Variants in CSMD1 observed in about 807,000 individuals in gnomAD.
CSMD1 encodes the protein CUB and sushi domain-containing protein 1.
Under a neutral mutation model 417.5 loss-of-function variants are expected in CSMD1, and 213 were observed. The ratio of observed to expected loss-of-function variants is 0.51; its 90% CI spans 0.46 to 0.57. The LOEUF (loss-of-function observed/expected upper bound fraction) is 0.57, where lower values mean the gene tolerates loss of function less well. CSMD1 is among the 20% of genes least tolerant of loss of function. The pLI is 0.00. For synonymous variants in CSMD1, 2,862 were observed against 1,736.8 expected, an observed-to-expected ratio of 1.65 and a Z score of -16.11; for missense variants, 6,923 against 4,529.7, an observed-to-expected ratio of 1.53 and a Z score of -15.17.
chr8:3,538,798 A>T (rs1450567085), intron 10 of CSMD1, among the ~76,000 whole-genome samples: 1 of 152,100 alleles, frequency 6.6e-6, no homozygotes, highest in Non-Finnish European at 1.5e-5. Flanking sequence ...CTCCACTTGC[A>T]CCAAGAGCCT....
intron 7 of CSMD1, among the ~76,000 whole-genome samples, chr8:3,701,947 C>A (rs1339135089): frequency 6.6e-6 from 1 of 151,834 alleles, no homozygotes; most frequent in Non-Finnish European, 1.5e-5. Context: ...AAACTAGGGG[C>A]GAATATCATT....
chr8:3,497,938 AC>A (rs1419449569), intron 10 of CSMD1, among the ~76,000 whole-genome samples: 2 of 152,114 alleles, frequency 1.3e-5, no homozygotes, highest in Non-Finnish European at 2.9e-5. Flanking sequence ...TCACCCTTTC[AC>A]TTTCAGATGA....
intron 1 of CSMD1, among the ~76,000 whole-genome samples, chr8:4,945,737 G>A (rs769566252): frequency 2.6e-5 from 4 of 152,054 alleles, no homozygotes; most frequent in Admixed American, 1.3e-4. Flanking sequence ...GAGGGTACAA[G>A]GAGGAGATGA....
chr8:3,648,015 T>C (rs1797662714), intron 7 of CSMD1, among the ~76,000 whole-genome samples: 1 of 152,252 alleles, frequency 6.6e-6, no homozygotes, highest in Non-Finnish European at 1.5e-5. Context: ...TTCTTATTTC[T>C]TGTGCAGCTA....
intron 4 of CSMD1, among the ~76,000 whole-genome samples, chr8:4,005,058 G>C (rs553300916): frequency 1.3e-5 from 2 of 152,148 alleles, no homozygotes; most frequent in African/African-American, 4.8e-5. Flanking sequence ...AACATCCTAT[G>C]TTCTCACTGA....
At chr8:3,756,574 G>T (rs1047355062) in intron 5 of CSMD1, among the ~76,000 whole-genome samples, 2 of 151,958 alleles carry the variant, frequency 1.3e-5, no homozygotes, top group African/African-American at 4.8e-5. Flanking sequence ...AGTATCCAAA[G>T]CCCTCAAAAT....
chr8:4,970,241 C>A (rs895845738), intron 1 of CSMD1, among the ~76,000 whole-genome samples: 3 of 152,154 alleles, frequency 2.0e-5, no homozygotes, highest in African/African-American at 2.4e-5. Context: ...ACTTTGGGAG[C>A]TGAGTAAGTT....
intron 2 of CSMD1, among the ~76,000 whole-genome samples, chr8:4,465,798 C>G (rs1487722199): frequency 6.6e-6 from 1 of 152,160 alleles, no homozygotes; most frequent in Non-Finnish European, 1.5e-5. Context: ...GTTATGGGTA[C>G]TTTACTGCCA....
At chr8:4,067,886 G>T (rs1426148993) in intron 3 of CSMD1, among the ~76,000 whole-genome samples, 1 of 152,040 alleles carries the variant, frequency 6.6e-6, no homozygotes, top group Non-Finnish European at 1.5e-5. Flanking sequence ...AGACCATCCT[G>T]GCCAACATGA....
At chr8:4,614,544 G>T (rs1394945152) in intron 2 of CSMD1, among the ~76,000 whole-genome samples, 2 of 152,116 alleles carry the variant, frequency 1.3e-5, no homozygotes, top group Admixed American at 6.6e-5. Context: ...AGCACAAGCG[G>T]AAGTATCTAG....
chr8:3,466,257 T>C lies in CSMD1; in HGVS notation c.1561+2455A>G, dbSNP rs1012843212. Reference sequence around the variant, plus strand: ...CACAAAGGGTTTAAATAACTTACACTAAGGTTCAGTTACTGGGCAGCAGAA... The same window carrying C: ...CACAAAGGGTTTAAATAACTTACACCAAGGTTCAGTTACTGGGCAGCAGAA... On this transcript the variant is annotated intron_variant, in intron 12 of 69. Transcript: ENST00000635120. Among the ~76,000 whole-genome samples, 5 of 151,986 alleles carry C rather than the reference T, an allele frequency of 3.3e-5. No individual in the cohort carries two copies. In the East Asian group the frequency reaches 7.7e-4, roughly 23 times the overall value.
chr8:4,442,885 TAC>T (rs1179181222), intron 2 of CSMD1, among the ~76,000 whole-genome samples: 3 of 152,214 alleles, frequency 2.0e-5, no homozygotes, highest in Non-Finnish European at 4.4e-5. Context: ...ATTGCTTGTT[TAC>T]AGTGAACAGA....
chr8:3,422,948 G>C (rs1465892688), intron 12 of CSMD1, among the ~76,000 whole-genome samples: 1 of 152,160 alleles, frequency 6.6e-6, no homozygotes, highest in Non-Finnish European at 1.5e-5. Flanking sequence ...GATTCTCTTT[G>C]TTAAGCTCTT....
At chr8:3,792,089 G>A (rs566749730) in intron 5 of CSMD1, among the ~76,000 whole-genome samples, 4 of 152,110 alleles carry the variant, frequency 2.6e-5, no homozygotes, top group Admixed American at 2.6e-4. Context: ...CTTCAAGAAT[G>A]ACTTCCTGAG....
chr8:3,221,287 C>T (rs1228358710), intron 28 of CSMD1, among the ~76,000 whole-genome samples: 1 of 152,140 alleles, frequency 6.6e-6, no homozygotes. Context: ...GTGTCTTAGT[C>T]TGTTTATTTG....
At chr8:4,920,274 G>A (rs939660444) in intron 1 of CSMD1, among the ~76,000 whole-genome samples, 11 of 152,116 alleles carry the variant, frequency 7.2e-5, no homozygotes, top group African/African-American at 2.4e-4. Flanking sequence ...ATGACTGGCT[G>A]AAATGAGCGA....
intron 5 of CSMD1, among the ~76,000 whole-genome samples, chr8:3,930,935 G>C (rs1055401570): frequency 1.3e-5 from 2 of 150,384 alleles, no homozygotes; most frequent in East Asian, 1.9e-4. Flanking sequence ...ATTGTTGCTA[G>C]GATTCTTAAA....
At chr8:4,688,063 C>T (rs890342447) in intron 1 of CSMD1, among the ~76,000 whole-genome samples, 8 of 152,048 alleles carry the variant, frequency 5.3e-5, no homozygotes, top group Non-Finnish European at 1.0e-4. Flanking sequence ...CCCTATGGCT[C>T]AGTTCACTCT....
chr8:4,854,463 G>A (rs944898513), intron 1 of CSMD1, among the ~76,000 whole-genome samples: 2 of 152,162 alleles, frequency 1.3e-5, no homozygotes, highest in East Asian at 1.9e-4. Context: ...TGTGAGCGAC[G>A]CAGAAGACGG....
Sources: gnomAD v4.1 joint callset for allele counts (sites outside exome capture counted in the v4.1 genomes callset) on GRCh38, gnomAD v4.1.1 for gene constraint, MANE v1.5 for transcripts, NCBI Gene and HGNC (gene_info 2026-07-23, HGNC 2026-07-21) for gene names.